Variants in PABPC1L observed in about 807,000 individuals in gnomAD.
PABPC1L encodes the protein poly(A) binding protein cytoplasmic 1 like, also known as polyadenylate-binding protein 1-like.
In PABPC1L, 31 loss-of-function variants were observed where a neutral mutation model predicts 66.6. The observed-to-expected ratio is 0.47, with a 90% CI of 0.35 to 0.63. The LOEUF (loss-of-function observed/expected upper bound fraction) is 0.63. Among genes scored for constraint, PABPC1L ranks in the 20% least tolerant of loss-of-function variants. PABPC1L has a pLI of 0.00. For synonymous variants in PABPC1L, 348 were observed against 335.1 expected, an observed-to-expected ratio of 1.04 and a Z score of -0.42; for missense variants, 722 against 848.8, an observed-to-expected ratio of 0.85 and a Z score of 1.86.
At chr20:44,921,330 T>A (rs1197832275) in intron 5 of PABPC1L, among the ~76,000 whole-genome samples, 1 of 152,114 alleles carries the variant, frequency 6.6e-6, no homozygotes, top group Non-Finnish European at 1.5e-5. Context: ...GTATTTTTAG[T>A]AGAGACGGGG....
At chr20:44,935,528 C>T (rs1177630539) in intron 11 of PABPC1L, 31 bp downstream of exon 11, 1 of 1,592,382 alleles carries the variant, frequency 6.3e-7, no homozygotes, top group Non-Finnish European at 8.6e-7. Context: ...TGCTCTTAGC[C>T]TGGGCTCCTG....
Position 44,933,080 on chromosome 20 carries a change from A to G in PABPC1L, c.1354A>G (p.Met452Val), listed in dbSNP as rs527859251. The G allele has an allele frequency of 2.6e-5, 42 of 1,596,186 alleles. 2 individuals carry two copies. The South Asian group carries it at 3.8e-4, about 14-fold the overall frequency. The change falls in exon 10 of 15, where the codon ATG becomes GTG. Residue 452 changes from methionine (M) to valine (V), a missense_variant. Coordinates refer to ENST00000217073, the MANE Select transcript of PABPC1L (RefSeq NM_001372179.1). ...PSSAYPPGASMVRPPVVPRRP... is the reference protein window; with the variant it reads ...PSSAYPPGASVVRPPVVPRRP... ...AGCTGCCTACCCTCCAGGTGCCTCA[A>G]TGGTCCGGCCACCAGTTGTGCCTCG... is the stretch of plus-strand genomic sequence containing the variant.
intron 3 of PABPC1L, among the ~76,000 whole-genome samples, chr20:44,918,486 ATT>A (rs1034799318): frequency 3.2e-4 from 48 of 152,240 alleles, no homozygotes; most frequent in African/African-American, 1.1e-3. Flanking sequence ...CATGATGAGA[ATT>A]TGAGTCCCAA....
At position 44,938,701 on chromosome 20, in the gene PABPC1L, G is replaced by A; in HGVS notation, c.1819G>A (p.Ala607Thr). The change falls in exon 14 of 15, where the codon GCA becomes ACA. Residue 607 changes from alanine (A) to threonine (T), a missense_variant. Around this residue, in one of 3 missense-constraint regions of PABPC1L, gnomAD observed 301 missense variants for 337.2 expected, o/e 0.89. Coordinates refer to ENST00000217073, the MANE Select transcript of PABPC1L (RefSeq NM_001372179.1). ...AGACGAGGCAGTGGCCGTGCTGCAG[G>A]CACACCAGGCTATGGAGCAGCCGAA... is the stretch of plus-strand genomic sequence containing the variant. ...KIDEAVAVLQ[A>T]HQAMEQPKAY... is the part of the protein sequence containing the mutation. 6.2e-7 allele frequency: 1 copy of A among 1,611,662 alleles called. No homozygotes were observed. The highest frequency in any genetic ancestry group is 8.5e-7 in the Non-Finnish European group (1 of 1,179,164).
intron 5 of PABPC1L, among the ~76,000 whole-genome samples, chr20:44,919,829 C>T (rs533768801): frequency 6.6e-6 from 1 of 152,320 alleles, no homozygotes; most frequent in Admixed American, 6.5e-5. Flanking sequence ...CAAAAAGGCT[C>T]TCACAGTTAG....
intron 13 of PABPC1L, 42 bp from the exon 14 acceptor site, chr20:44,938,632 A>G (rs1376520474): frequency 6.4e-7 from 1 of 1,569,284 alleles, no homozygotes; most frequent in Admixed American, 1.9e-5. Flanking sequence ...GTGACCTGCT[A>G]AGATAGCTGC....
At chr20:44,922,833 GGGT>G (rs1568645874) in intron 6 of PABPC1L, among the ~76,000 whole-genome samples, 1 of 152,196 alleles carries the variant, frequency 6.6e-6, no homozygotes, top group Non-Finnish European at 1.5e-5. Context: ...ATTGTCGTGT[GGGT>G]GGTGGGGTGC....
intron 9 of PABPC1L, chr20:44,932,673 C>T: frequency 1.9e-6 from 1 of 518,320 alleles, no homozygotes. Flanking sequence ...CCAAAGATGC[C>T]TCTGATTTGT....
intron 8 of PABPC1L, chr20:44,931,608 C>G (rs1419453641): frequency 1.3e-5 from 2 of 152,048 alleles, no homozygotes; most frequent in African/African-American, 4.8e-5. Context: ...GATTCTTGTG[C>G]CTCAGCCTCC....
intron 9 of PABPC1L, chr20:44,932,664 C>T: frequency 1.9e-6 from 1 of 519,742 alleles, no homozygotes. Flanking sequence ...CAGTCATCAC[C>T]AAAGATGCCT....
intron 13 of PABPC1L, 106 bp downstream of exon 13, chr20:44,938,297 G>A: frequency 7.1e-7 from 1 of 1,412,782 alleles, no homozygotes; most frequent in Non-Finnish European, 9.4e-7. Context: ...CAGATAAAGT[G>A]TTTCTTCTTG....
At position 44,933,133 on chromosome 20, in the gene PABPC1L, C is replaced by T. The variant is rs61749319; in HGVS notation, c.1407C>T (p.Val469=). ...PRRPPAHISS[V]RQASTQVPRT... is the part of the protein sequence containing the mutation. ...GCCCCCCGGCCCACATCAGCAGTGT[C>T]AGGCAGGCCTCCACCCAGGTGCCAC... Residue 469 remains valine (V), a synonymous_variant, in exon 10 of 15, where the codon GTC becomes GTT. Transcript: ENST00000217073. The T allele has an allele frequency of 3.0e-4, 488 of 1,610,144 alleles. 4 individuals carry two copies. In the African/African-American group the frequency reaches 6.1e-3, roughly 20 times the overall value.
chr20:44,938,726 A>C lies in PABPC1L; in HGVS notation c.1844A>C (p.Lys615Thr), dbSNP rs1271396072. The change falls in exon 14 of 15, where the codon AAG becomes ACG. Residue 615 changes from lysine (K) to threonine (T), a missense_variant. Around this residue, in one of 3 missense-constraint regions of PABPC1L, gnomAD observed 301 missense variants for 337.2 expected, o/e 0.89. Transcript: ENST00000217073. ...GCACACCAGGCTATGGAGCAGCCGA[A>C]GGCGTACATGCACTGAAACCAGGTG... ...LQAHQAMEQP[K>T]AYMH 6.2e-7 allele frequency: 1 copy of C among 1,611,774 alleles called. No homozygotes were observed. Among genetic ancestry groups the C allele is most frequent in the Non-Finnish European group, 8.5e-7 (1 of 1,179,126 alleles).
intron 7 of PABPC1L, among the ~76,000 whole-genome samples, chr20:44,928,357 G>A (rs1431633821): frequency 6.6e-6 from 1 of 152,190 alleles, no homozygotes; most frequent in Non-Finnish European, 1.5e-5. Flanking sequence ...ACAGGCATAA[G>A]CCATTGCGCT....
chr20:44,932,628 A>G lies in PABPC1L; in HGVS notation c.1330+196A>G, dbSNP rs143036611. On this transcript the variant is annotated intron_variant, in intron 9 of 14. Transcript: ENST00000217073. ...AAGTACCAAGCACAGTGGTGAGCCA[A>G]TGGAAGACACGCAGCTAGCCACCAG... is the stretch of plus-strand genomic sequence containing the variant. 224 of 530,204 alleles carry G rather than the reference A, an allele frequency of 4.2e-4. 2 individuals carry two copies. In the East Asian group the frequency reaches 6.3e-3, roughly 15 times the overall value. The allele number at this position is 530,204 out of a possible 1,614,324, so 32.8% of individuals were successfully genotyped here.
chr20:44,927,046 A>T (rs1349700138), intron 7 of PABPC1L, among the ~76,000 whole-genome samples: 7 of 150,876 alleles, frequency 4.6e-5, no homozygotes, highest in South Asian at 2.1e-4. Context: ...CAGCTGATTT[A>T]AAAAAAAATT....
At chr20:44,913,436 C>T (rs1038370767) in intron 2 of PABPC1L, among the ~76,000 whole-genome samples, 1 of 151,550 alleles carries the variant, frequency 6.6e-6, no homozygotes, top group Non-Finnish European at 1.5e-5. Context: ...AATTGAGATG[C>T]AGTCTTACTC....
At chr20:44,926,426 T>C (rs1158252623) in intron 7 of PABPC1L, among the ~76,000 whole-genome samples, 1 of 151,086 alleles carries the variant, frequency 6.6e-6, no homozygotes, top group East Asian at 1.9e-4. Context: ...GGGGTTTCAC[T>C]GTGTTGGCCG....
intron 1 of PABPC1L, among the ~76,000 whole-genome samples, chr20:44,912,430 A>G (rs2066711330): frequency 6.6e-6 from 1 of 152,164 alleles, no homozygotes; most frequent in African/African-American, 2.4e-5. Flanking sequence ...GTTGAATGAG[A>G]TCATAACTGG....
Sources: allele counts gnomAD v4.1 joint callset (sites outside exome capture counted in the v4.1 genomes callset), GRCh38; gene constraint gnomAD v4.1.1; regional missense constraint gnomAD v4.1.1; transcripts MANE v1.5; gene names NCBI Gene and HGNC (gene_info 2026-07-23, HGNC 2026-07-21).